ITFG1: variants seen among roughly 807,000 people sequenced by gnomAD.
The protein encoded by ITFG1 is integrin alpha FG-GAP repeat containing 1.
Under a neutral mutation model 81.8 loss-of-function variants are expected in ITFG1, and 34 were observed. The observed-to-expected ratio is 0.42, with a 90% confidence interval of 0.32 to 0.55. The LOEUF (loss-of-function observed/expected upper bound fraction) is 0.55. Among genes scored for constraint, ITFG1 ranks in the 20% least tolerant of loss-of-function variants. ITFG1 has a pLI of 0.17. For missense variants in ITFG1, 672 were observed against 755.4 expected (o/e 0.89, Z 1.29); for synonymous variants, 285 against 270.6 (o/e 1.05, Z -0.52).
At chr16:47,191,927 TC>T (rs1384309756) in intron 14 of ITFG1, among the ~76,000 whole-genome samples, 3 of 152,186 alleles carry the variant, frequency 2.0e-5, no homozygotes, top group African/African-American at 7.2e-5. Flanking sequence ...CACCTCAGCC[TC>T]CTGTGTAGCT....
At chr16:47,243,338 A>G (rs1965959733) in intron 12 of ITFG1, among the ~76,000 whole-genome samples, 1 of 152,164 alleles carries the variant, frequency 6.6e-6, no homozygotes, top group Non-Finnish European at 1.5e-5. Context: ...TTTATCATAT[A>G]CTCTTGTAGT....
chr16:47,210,736 C>G (rs1365337100), intron 14 of ITFG1, among the ~76,000 whole-genome samples: 7 of 151,958 alleles, frequency 4.6e-5, no homozygotes, highest in Admixed American at 4.6e-4. Flanking sequence ...CTTTTTGCAC[C>G]TTTGTCAAAA....
intron 8 of ITFG1, among the ~76,000 whole-genome samples, chr16:47,335,385 A>T (rs1266300786): frequency 6.6e-6 from 1 of 152,056 alleles, no homozygotes; most frequent in Non-Finnish European, 1.5e-5. Flanking sequence ...AGACAAAAAA[A>T]CAAACCCAAA....
chr16:47,375,840 A>T (rs745906935), intron 7 of ITFG1, 36 bp downstream of exon 7: 28 of 1,224,190 alleles, frequency 2.3e-5, no homozygotes, highest in Non-Finnish European at 3.2e-5. Flanking sequence ...ACTGAAAGCC[A>T]TCATTTTAAA....
intron 10 of ITFG1, among the ~76,000 whole-genome samples, chr16:47,275,196 G>C (rs1315627044): frequency 6.6e-6 from 1 of 151,930 alleles, no homozygotes; most frequent in East Asian, 1.9e-4. Context: ...ATTCTACTCT[G>C]TTTAGCTGAC....
At chr16:47,347,880 G>C (rs1967882827) in intron 8 of ITFG1, among the ~76,000 whole-genome samples, 1 of 152,194 alleles carries the variant, frequency 6.6e-6, no homozygotes, top group Non-Finnish European at 1.5e-5. Flanking sequence ...AACATTTGCT[G>C]ATCAGCAATA....
chr16:47,324,119 C>A (rs1265640663), intron 8 of ITFG1, among the ~76,000 whole-genome samples: 1 of 152,084 alleles, frequency 6.6e-6, no homozygotes, highest in Non-Finnish European at 1.5e-5. Context: ...ATCAATACTA[C>A]TTTAAAATTT....
intron 14 of ITFG1, among the ~76,000 whole-genome samples, chr16:47,180,020 T>C (rs1016516698): frequency 6.6e-6 from 1 of 152,192 alleles, no homozygotes; most frequent in Non-Finnish European, 1.5e-5. Context: ...ATGAAATATG[T>C]GGTAGACAGA....
chr16:47,166,860 A>G (rs1247917128), intron 14 of ITFG1, among the ~76,000 whole-genome samples: 2 of 152,158 alleles, frequency 1.3e-5, no homozygotes. Flanking sequence ...TTATTCTTGA[A>G]TATAGAAACC....
At chr16:47,300,987 T>A (rs903239817) in intron 10 of ITFG1, among the ~76,000 whole-genome samples, 1 of 152,228 alleles carries the variant, frequency 6.6e-6, no homozygotes, top group African/African-American at 2.4e-5. Context: ...AATTAATTCA[T>A]AAATAAGTAG....
At chr16:47,297,577 C>T (rs1226567165) in intron 10 of ITFG1, among the ~76,000 whole-genome samples, 2 of 149,502 alleles carry the variant, frequency 1.3e-5, no homozygotes, top group Admixed American at 6.7e-5. Context: ...TTTATTTCTA[C>T]TTCATTTATC....
intron 14 of ITFG1, among the ~76,000 whole-genome samples, chr16:47,188,694 G>T (rs62060603): frequency 6.6e-6 from 1 of 151,046 alleles, no homozygotes; most frequent in Non-Finnish European, 1.5e-5. Flanking sequence ...TGGGTGCAGC[G>T]CATCAGCATG....
intron 10 of ITFG1, among the ~76,000 whole-genome samples, chr16:47,294,700 T>C (rs1214139408): frequency 6.6e-6 from 1 of 152,194 alleles, no homozygotes; most frequent in South Asian, 2.1e-4. Context: ...GAGTTTTGTA[T>C]GTTGATTTTG....
intron 6 of ITFG1, among the ~76,000 whole-genome samples, chr16:47,382,256 G>C (rs1163317537): frequency 6.6e-6 from 1 of 152,118 alleles, no homozygotes; most frequent in African/African-American, 2.4e-5. Context: ...GTTTGCAGAA[G>C]ATCAACCCTA....
At chr16:47,156,974 G>T (rs889456386) in intron 17 of ITFG1, among the ~76,000 whole-genome samples, 1 of 152,118 alleles carries the variant, frequency 6.6e-6, no homozygotes, top group African/African-American at 2.4e-5. Context: ...AAAGGGGAGA[G>T]AATGGAAAGG....
intron 10 of ITFG1, among the ~76,000 whole-genome samples, chr16:47,304,510 G>A (rs1967127028): frequency 6.6e-6 from 1 of 152,214 alleles, no homozygotes; most frequent in African/African-American, 2.4e-5. Context: ...GTATGTGAGA[G>A]ATGACGTAGT....
chr16:47,350,525 T>A (rs771119425), intron 8 of ITFG1, among the ~76,000 whole-genome samples: 4 of 152,098 alleles, frequency 2.6e-5, no homozygotes, highest in Admixed American at 6.6e-5. Context: ...AAGAAGTTGA[T>A]TCTCTGAATA....
intron 10 of ITFG1, among the ~76,000 whole-genome samples, chr16:47,270,882 T>A (rs1347005276): frequency 6.6e-6 from 1 of 152,002 alleles, no homozygotes; most frequent in Admixed American, 6.6e-5. Flanking sequence ...AGAAAGCAGA[T>A]CAGTGGTTTC....
chr16:47,254,135 A>T (rs1966113320), intron 12 of ITFG1, among the ~76,000 whole-genome samples: 2 of 151,948 alleles, frequency 1.3e-5, no homozygotes, highest in Admixed American at 6.6e-5. Flanking sequence ...AGTACAAAGC[A>T]TTCAAGCAGA....
Sources: allele counts gnomAD v4.1 joint callset (sites outside exome capture counted in the v4.1 genomes callset), GRCh38; gene constraint gnomAD v4.1.1; transcripts MANE v1.5; gene names NCBI Gene and HGNC (gene_info 2026-07-23, HGNC 2026-07-21).